SND1: variants seen among roughly 807,000 people sequenced by gnomAD.
SND1 encodes the protein staphylococcal nuclease domain-containing protein 1.
A neutral mutation model predicts 121.7 loss-of-function variants in SND1; 38 were observed. That is an observed-to-expected ratio of 0.31 (90% CI 0.24 to 0.41). The LOEUF is 0.41. Among genes scored for constraint, SND1 ranks in the 10% least tolerant of loss-of-function variants. The probability of loss-of-function intolerance (pLI) is 1.00; values close to 1 mark genes in which losing one functional copy is unlikely to be tolerated. For missense variants in SND1, 868 were observed against 1,184.6 expected (o/e 0.73, Z 3.92); for synonymous variants, 401 against 447.4 (o/e 0.90, Z 1.31).
At chr7:127,888,529 A>G (rs1230548404) in intron 13 of SND1, among the ~76,000 whole-genome samples, 1 of 152,086 alleles carries the variant, frequency 6.6e-6, no homozygotes, top group Non-Finnish European at 1.5e-5. Context: ...GCCCTGTGAC[A>G]TTTTACTTTT....
chr7:127,695,022 G>C, intron 3 of SND1, 74 bp downstream of exon 3: 3 of 1,552,528 alleles, frequency 1.9e-6, no homozygotes, highest in Admixed American at 3.7e-5. Flanking sequence ...TGTGGTGGAA[G>C]GCCAGTGTGG....
rs371217950 is a variant in SND1, at chr7:128,081,350, G to T, written c.1969-10G>T. 53 of 1,613,858 alleles carry T rather than the reference G, an allele frequency of 3.3e-5. No individual in the cohort carries two copies. Among genetic ancestry groups the T allele is most frequent in the Non-Finnish European group, 4.5e-5 (53 of 1,179,950 alleles). ...CGCCCTCTTCTCACCTCTGCCGACTGAACATGCAGGTCTGGGCCCACTATG... is the reference window on the plus strand; with the variant it reads ...CGCCCTCTTCTCACCTCTGCCGACTTAACATGCAGGTCTGGGCCCACTATG... On this transcript the variant is annotated splice_polypyrimidine_tract_variant and intron_variant, in intron 17 of 23. Coordinates refer to ENST00000354725, the MANE Select transcript of SND1 (RefSeq NM_014390.4).
At chr7:127,735,223 G>A (rs1039525877) in intron 10 of SND1, among the ~76,000 whole-genome samples, 4 of 152,186 alleles carry the variant, frequency 2.6e-5, no homozygotes, top group African/African-American at 9.6e-5. Context: ...GAGGTTGGTT[G>A]GGTGGGTTGG....
intron 10 of SND1, among the ~76,000 whole-genome samples, chr7:127,793,425 A>C (rs917390343): frequency 2.6e-5 from 4 of 152,190 alleles, no homozygotes; most frequent in African/African-American, 9.7e-5. Flanking sequence ...TTTAATGTGC[A>C]AGCAGATAGC....
At chr7:128,013,322 G>T (rs1803155307) in intron 16 of SND1, among the ~76,000 whole-genome samples, 1 of 152,190 alleles carries the variant, frequency 6.6e-6, no homozygotes, top group Non-Finnish European at 1.5e-5. Flanking sequence ...TGCCTTGAGG[G>T]CAAGGACCAA....
chr7:127,867,916 A>AC (rs1322591662), intron 12 of SND1, among the ~76,000 whole-genome samples: 1 of 148,840 alleles, frequency 6.7e-6, no homozygotes, highest in Non-Finnish European at 1.5e-5. Flanking sequence ...AAAAAAAATT[A>AC]AATGCATTAC....
intron 16 of SND1, among the ~76,000 whole-genome samples, chr7:128,020,900 C>G (rs1328684880): frequency 1.3e-5 from 2 of 152,200 alleles, no homozygotes; most frequent in Admixed American, 1.3e-4. Flanking sequence ...GTCTCTCCCC[C>G]TCATGAGAGA....
chr7:127,746,844 A>T (rs1393807836), intron 10 of SND1, among the ~76,000 whole-genome samples: 2 of 152,168 alleles, frequency 1.3e-5, no homozygotes, highest in African/African-American at 4.8e-5. Context: ...CACTTTGAGC[A>T]TATGGTAGTG....
intron 14 of SND1, among the ~76,000 whole-genome samples, chr7:127,922,200 T>TTTTTG (rs1563059041): frequency 8.9e-6 from 1 of 112,912 alleles, no homozygotes; most frequent in Non-Finnish European, 1.8e-5. Context: ...TTTTTTTTTT[T>TTTTTG]TTTGTTTTGT....
chr7:127,676,405 G>A (rs1402943313), intron 1 of SND1, among the ~76,000 whole-genome samples: 2 of 152,162 alleles, frequency 1.3e-5, no homozygotes, highest in Admixed American at 1.3e-4. Flanking sequence ...ACTTATAGAT[G>A]AAGGAATATC....
intron 15 of SND1, among the ~76,000 whole-genome samples, chr7:127,931,851 G>A (rs1800961450): frequency 6.6e-6 from 1 of 152,134 alleles, no homozygotes; most frequent in Admixed American, 6.5e-5. Context: ...GTGACAGCCT[G>A]GTTTATGGAA....
chr7:127,784,053 T>TAA (rs1240635296), intron 10 of SND1, among the ~76,000 whole-genome samples: 2 of 152,240 alleles, frequency 1.3e-5, no homozygotes, highest in Non-Finnish European at 1.5e-5. Flanking sequence ...GTTGAGTTTC[T>TAA]ACATATGGGT....
intron 10 of SND1, among the ~76,000 whole-genome samples, chr7:127,742,987 CTG>C (rs1390954327): frequency 2.6e-5 from 4 of 152,318 alleles, no homozygotes; most frequent in Admixed American, 6.5e-5. Flanking sequence ...CATGCAGAGA[CTG>C]TTTATCACTG....
chr7:128,008,490 T>G (rs114032421), intron 16 of SND1, among the ~76,000 whole-genome samples: 1,530 of 150,874 alleles, frequency 0.01, 42 homozygotes, highest in African/African-American at 0.036. Flanking sequence ...GGAGGGGGGT[T>G]GCATTGTTTT....
At chr7:128,000,233 G>A (rs1307671495) in intron 16 of SND1, among the ~76,000 whole-genome samples, 3 of 152,092 alleles carry the variant, frequency 2.0e-5, no homozygotes, top group African/African-American at 4.8e-5. Context: ...CTACAGACAA[G>A]CAGATAATTT....
intron 12 of SND1, among the ~76,000 whole-genome samples, chr7:127,866,027 C>T (rs17151466): frequency 0.22 from 33,965 of 151,720 alleles, 4,260 homozygotes; most frequent in Middle Eastern, 0.33. Flanking sequence ...AGGTTTCAAA[C>T]TCCAGTGTGC....
chr7:127,990,877 A>G (rs1802507614), intron 15 of SND1, 70 bp from the exon 16 acceptor site: 1 of 1,032,660 alleles, frequency 9.7e-7, no homozygotes, highest in South Asian at 1.4e-5. Context: ...GTGTCAGGGG[A>G]CCGTCCTTAT....
At chr7:128,014,914 G>C (rs1803194243) in intron 16 of SND1, among the ~76,000 whole-genome samples, 1 of 152,198 alleles carries the variant, frequency 6.6e-6, no homozygotes, top group Admixed American at 6.5e-5. Flanking sequence ...GCAGTGAGAG[G>C]CAAGGCCAGA....
In SND1 at chr7:128,092,149, G is replaced by A. The variant is rs1338451365; in HGVS notation, c.*91G>A. 3 of 1,357,930 alleles carry A rather than the reference G, an allele frequency of 2.2e-6. No homozygotes were observed. The Admixed American group carries it at 5.3e-5, about 24-fold the overall frequency. The allele number at this position is 1,357,930 out of a possible 1,614,324, so 84.1% of individuals were successfully genotyped here. A position where few individuals can be genotyped will look rare whatever the true frequency, so the allele number is the denominator to read the frequency against. ...TTTTCAACTCCAAACCCCAGAGAGG[G>A]GTTGTAGATTGGGTCCAGCTTTGCT... On this transcript the variant is annotated 3_prime_UTR_variant, in exon 24 of 24. Coordinates refer to ENST00000354725, the MANE Select transcript of SND1 (RefSeq NM_014390.4). This position sits in a 1 kb window ranked among gnomAD's most constrained non-coding sequence, Gnocchi z 4.9.
Sources: allele counts gnomAD v4.1 joint callset (sites outside exome capture counted in the v4.1 genomes callset), GRCh38; gene constraint gnomAD v4.1.1; non-coding constraint Gnocchi (gnomAD v3.1); transcripts MANE v1.5; gene names NCBI Gene and HGNC (gene_info 2026-07-23, HGNC 2026-07-21).